ZBTB20: variants seen among roughly 807,000 people sequenced by gnomAD.
ZBTB20 encodes the protein zinc finger and BTB domain containing 20, also known as zinc finger and BTB domain-containing protein 20.
A neutral mutation model predicts 56.9 loss-of-function variants in ZBTB20; 9 were observed. That is an observed-to-expected ratio of 0.16 (90% confidence interval 0.10 to 0.28). The LOEUF is 0.28. Ranked by LOEUF, ZBTB20 falls within the 10% of genes least tolerant of loss-of-function variation. The pLI is 1.00. For synonymous variants in ZBTB20, 417 were observed against 420.7 expected, an observed-to-expected ratio of 0.99 and a Z score of 0.11; for missense variants, 655 against 1,003.0, an observed-to-expected ratio of 0.65 and a Z score of 4.69.
chr3:114,649,480 TAA>T (rs1308819357), intron 6 of ZBTB20, among the ~76,000 whole-genome samples: 3 of 151,972 alleles, frequency 2.0e-5, no homozygotes, highest in Non-Finnish European at 4.4e-5. Context: ...CTACAAATCC[TAA>T]AAGAGTGCAT....
intron 7 of ZBTB20, among the ~76,000 whole-genome samples, chr3:114,469,338 CA>C (rs2039854886): frequency 6.6e-6 from 1 of 152,148 alleles, no homozygotes; most frequent in South Asian, 2.1e-4. Flanking sequence ...TACTGCTCCC[CA>C]CTTAACACCC....
At chr3:115,069,996 C>G (rs112474562) in intron 2 of ZBTB20, among the ~76,000 whole-genome samples, 1 of 151,980 alleles carries the variant, frequency 6.6e-6, no homozygotes, top group Non-Finnish European at 1.5e-5. Context: ...TTTACTAACC[C>G]TTTGATGTAG....
At chr3:114,469,735 G>T (rs1021417535) in intron 7 of ZBTB20, among the ~76,000 whole-genome samples, 3 of 152,168 alleles carry the variant, frequency 2.0e-5, no homozygotes, top group Non-Finnish European at 2.9e-5. Flanking sequence ...TTAAACTGAA[G>T]AATCAACAGA....
At chr3:115,075,859 T>C (rs892923680) in intron 1 of ZBTB20, among the ~76,000 whole-genome samples, 11 of 152,136 alleles carry the variant, frequency 7.2e-5, no homozygotes, top group African/African-American at 2.4e-4. Flanking sequence ...GTAGAGTCTA[T>C]GCTTTTATAT....
intron 6 of ZBTB20, among the ~76,000 whole-genome samples, chr3:114,604,785 C>T (rs2057019167): frequency 6.6e-6 from 1 of 151,946 alleles, no homozygotes; most frequent in Admixed American, 6.6e-5. Flanking sequence ...ACAGTTATTC[C>T]TTTCTAAGCT....
chr3:114,606,931 A>C (rs2057208271), intron 6 of ZBTB20, among the ~76,000 whole-genome samples: 1 of 151,950 alleles, frequency 6.6e-6, no homozygotes, highest in African/African-American at 2.4e-5. Context: ...CTCCGTCTTT[A>C]CTAAAAAAAT....
chr3:114,728,547 T>C (rs1343860007), intron 5 of ZBTB20, among the ~76,000 whole-genome samples: 3 of 152,200 alleles, frequency 2.0e-5, no homozygotes, highest in Admixed American at 6.5e-5. Context: ...CAGCTCAAGA[T>C]GTAATGGTCT....
intron 1 of ZBTB20, among the ~76,000 whole-genome samples, chr3:115,137,347 G>C (rs930179229): frequency 2.0e-5 from 3 of 151,994 alleles, no homozygotes; most frequent in Admixed American, 6.6e-5. Context: ...ATACATGACA[G>C]AAGTACTTGG....
chr3:114,812,098 C>G (rs1255697331), intron 4 of ZBTB20, among the ~76,000 whole-genome samples: 2 of 152,144 alleles, frequency 1.3e-5, no homozygotes, highest in African/African-American at 4.8e-5. Context: ...AAAGAGTGAG[C>G]AGTAGCAAGA....
intron 5 of ZBTB20, among the ~76,000 whole-genome samples, chr3:114,739,646 A>C (rs923139244): frequency 6.6e-6 from 1 of 152,208 alleles, no homozygotes; most frequent in African/African-American, 2.4e-5. Context: ...ATAATATTGA[A>C]CACTTCAAAA....
At chr3:114,345,131 G>A (rs12493360) in intron 11 of ZBTB20, among the ~76,000 whole-genome samples, 2,908 of 152,230 alleles carry the variant, frequency 0.019, 53 homozygotes, top group South Asian at 0.073. Flanking sequence ...CCTGGAAAGC[G>A]TGTTCACATT....
At chr3:114,814,360 ATATC>A (rs1355057426) in intron 4 of ZBTB20, among the ~76,000 whole-genome samples, 2 of 151,766 alleles carry the variant, frequency 1.3e-5, no homozygotes, top group Admixed American at 1.3e-4. Context: ...TAACAAAGAG[ATATC>A]TATCTGTCTC....
intron 6 of ZBTB20, among the ~76,000 whole-genome samples, chr3:114,545,023 T>C (rs982599079): frequency 4.6e-5 from 7 of 152,174 alleles, no homozygotes; most frequent in Non-Finnish European, 1.0e-4. Context: ...CTCATGAAGT[T>C]GACATATGTA....
At chr3:114,728,998 G>T (rs1360941674) in intron 5 of ZBTB20, among the ~76,000 whole-genome samples, 1 of 152,062 alleles carries the variant, frequency 6.6e-6, no homozygotes, top group Non-Finnish European at 1.5e-5. Context: ...GTTGATAGGT[G>T]CAGCAAACCA....
chr3:114,882,555 A>C (rs970277833), intron 4 of ZBTB20, among the ~76,000 whole-genome samples: 1 of 152,108 alleles, frequency 6.6e-6, no homozygotes, highest in Non-Finnish European at 1.5e-5. Context: ...GGTTAAATAC[A>C]TTTTGTGACA....
chr3:114,551,017 C>T (rs2050510891), intron 6 of ZBTB20, among the ~76,000 whole-genome samples: 1 of 152,148 alleles, frequency 6.6e-6, no homozygotes. Context: ...TCCCAAAGTG[C>T]TGGAATTATA....
At position 114,949,085 on chromosome 3, in the gene ZBTB20, A is replaced by G. The variant is rs574653815; in HGVS notation, c.-456+25281T>C. Among the ~76,000 whole-genome samples, 25 of 146,456 alleles carry G rather than the reference A, an allele frequency of 1.7e-4. 4 individuals are homozygous for G. Among genetic ancestry groups the G allele is most frequent in the African/African-American group, 6.4e-4 (23 of 36,094 alleles). On this transcript the variant is annotated intron_variant, in intron 3 of 11. Transcript: ENST00000675478. The stretch of plus-strand genomic sequence containing the variant: ...ATCATTGATGCAAGGGTAAATAAAT[A>G]GATTCCTGGAATAAGAGTCCAGAAA...
At chr3:114,836,829 T>C (rs2074142993) in intron 4 of ZBTB20, among the ~76,000 whole-genome samples, 1 of 152,208 alleles carries the variant, frequency 6.6e-6, no homozygotes, top group South Asian at 2.1e-4. Context: ...AAGCTAGAAT[T>C]CTTGAAATGC....
At position 114,907,053 on chromosome 3, in the gene ZBTB20, C is replaced by T. The variant is rs188905159; in HGVS notation, c.-455-6711G>A. On this transcript the variant is annotated intron_variant, in intron 3 of 11. Coordinates refer to ENST00000675478, the MANE Select transcript of ZBTB20 (RefSeq NM_001348800.3). ...CGTATTAGAGATTTAACATTCTTCA[C>T]ATCATTTCACATGCTGAAAACTCAA... 2.5e-3 allele frequency among the ~76,000 whole-genome samples: 387 copies of T among 151,922 alleles called. 2 individuals carry two copies. The highest frequency in any genetic ancestry group is 0.014 in the South Asian group (68 of 4,824).
Sources: gnomAD v4.1 joint callset for allele counts (sites outside exome capture counted in the v4.1 genomes callset) on GRCh38, gnomAD v4.1.1 for gene constraint, MANE v1.5 for transcripts, NCBI Gene and HGNC (gene_info 2026-07-23, HGNC 2026-07-21) for gene names.